The following CSNK1G3 variants were observed in gnomAD, a reference collection of about 807,000 sequenced individuals.
CSNK1G3 encodes casein kinase I isoform gamma-3.
In CSNK1G3, 23 loss-of-function variants were observed where a neutral mutation model predicts 64.3. The ratio of observed to expected loss-of-function variants is 0.36; its 90% CI spans 0.26 to 0.51. CSNK1G3 has a LOEUF of 0.51. Among genes scored for constraint, CSNK1G3 ranks in the 20% least tolerant of loss-of-function variants. The pLI, the probability that CSNK1G3 is intolerant of heterozygous loss-of-function variation, is 0.96. For missense variants in CSNK1G3, 357 were observed against 510.5 expected (o/e 0.70, Z 2.90); for synonymous variants, 158 against 162.2 (o/e 0.97, Z 0.20).
intron 12 of CSNK1G3, among the ~76,000 whole-genome samples, chr5:123,609,826 G>T (rs1318063130): frequency 6.6e-6 from 1 of 152,154 alleles, no homozygotes; most frequent in Non-Finnish European, 1.5e-5. Flanking sequence ...AATAGGTTGG[G>T]AACAAAATTC....
At position 123,597,974 on chromosome 5, in the gene CSNK1G3, G is replaced by A. The variant is rs118105138; in HGVS notation, c.1086+6560G>A. On this transcript the variant is annotated intron_variant, in intron 10 of 12. Coordinates refer to ENST00000345990, the Ensembl canonical transcript of CSNK1G3. ...GTATTTTCATTTTATTGATCTCTGGGAAGTGAAGTATTAGAGGTACAGTCA... is the reference window on the plus strand; with the variant it reads ...GTATTTTCATTTTATTGATCTCTGGAAAGTGAAGTATTAGAGGTACAGTCA... Among the ~76,000 whole-genome samples, 147 of 152,220 alleles carry A rather than the reference G, an allele frequency of 9.7e-4. 3 individuals carry two copies. In the East Asian group the frequency reaches 0.024, roughly 25 times the overall value.
At chr5:123,557,630 GA>G in intron 4 of CSNK1G3, 66 bp downstream of exon 4, 1 of 1,042,292 alleles carries the variant, frequency 9.6e-7, no homozygotes. Context: ...TAGTTTCAAG[GA>G]ATGGTATTTT....
chr5:123,556,358 C>T (rs1271202881), intron 3 of CSNK1G3, among the ~76,000 whole-genome samples: 2 of 152,032 alleles, frequency 1.3e-5, no homozygotes, highest in Non-Finnish European at 2.9e-5. Context: ...AATAATTTAT[C>T]CAGTTATTGC....
chr5:123,616,065 A>G (rs531583097), exon 13 of CSNK1G3: 1 of 152,326 alleles, frequency 6.6e-6, no homozygotes, highest in African/African-American at 2.4e-5. Flanking sequence ...CATTGTTGCT[A>G]TGAATCCTAT....
intron 10 of CSNK1G3, among the ~76,000 whole-genome samples, chr5:123,594,166 A>G (rs1226586570): frequency 6.6e-6 from 1 of 152,172 alleles, no homozygotes; most frequent in Non-Finnish European, 1.5e-5. Flanking sequence ...ATTCAGAACC[A>G]AACATGTAAT....
At chr5:123,594,894 A>C in intron 10 of CSNK1G3, 145 bp from the exon 11 acceptor site, 1 of 595,406 alleles carries the variant, frequency 1.7e-6, no homozygotes, top group Admixed American at 3.5e-5. Context: ...TTCTGTATAC[A>C]AAGATAACTG....
intron 12 of CSNK1G3, among the ~76,000 whole-genome samples, chr5:123,607,132 G>GA (rs972262743): frequency 5.9e-5 from 9 of 152,024 alleles, no homozygotes; most frequent in African/African-American, 2.2e-4. Flanking sequence ...ATTGCTATAG[G>GA]AAGGGTTCTC....
intron 2 of CSNK1G3, among the ~76,000 whole-genome samples, chr5:123,549,293 G>A (rs1267819696): frequency 6.6e-6 from 1 of 152,126 alleles, no homozygotes; most frequent in Non-Finnish European, 1.5e-5. Context: ...TATTATATAT[G>A]TATTTTTATT....
chr5:123,587,599 A>G (rs986126975), intron 6 of CSNK1G3, among the ~76,000 whole-genome samples: 1 of 152,344 alleles, frequency 6.6e-6, no homozygotes. Context: ...ATACTCCATA[A>G]TCGTGTTTAA....
intron 2 of CSNK1G3, among the ~76,000 whole-genome samples, chr5:123,548,696 A>G (rs1783055264): frequency 6.6e-6 from 1 of 151,810 alleles, no homozygotes; most frequent in Admixed American, 6.6e-5. Context: ...GCTTGATTCT[A>G]AGAGGTTGAG....
intron 1 of CSNK1G3, among the ~76,000 whole-genome samples, chr5:123,529,743 A>T (rs930556081): frequency 1.3e-5 from 2 of 152,100 alleles, no homozygotes; most frequent in African/African-American, 2.4e-5. Flanking sequence ...ATTTAGCATG[A>T]CCTCGTCTTG....
chr5:123,537,599 A>G (rs1781051066), intron 1 of CSNK1G3, among the ~76,000 whole-genome samples: 1 of 152,204 alleles, frequency 6.6e-6, no homozygotes, highest in Non-Finnish European at 1.5e-5. Context: ...GCTAAGTTTT[A>G]TAGTAATGGT....
chr5:123,560,875 A>G (rs1414121786), intron 4 of CSNK1G3, among the ~76,000 whole-genome samples: 1 of 152,100 alleles, frequency 6.6e-6, no homozygotes, highest in Admixed American at 6.6e-5. Context: ...TGATGAACAA[A>G]TTTTGGAGAT....
intron 1 of CSNK1G3, among the ~76,000 whole-genome samples, chr5:123,519,861 CTGAG>C (rs1358166831): frequency 2.6e-5 from 4 of 152,160 alleles, no homozygotes; most frequent in Non-Finnish European, 2.9e-5. Context: ...AGTGCTCTTT[CTGAG>C]TAAGAATTAG....
At chr5:123,570,607 C>T (rs1191836650) in intron 4 of CSNK1G3, among the ~76,000 whole-genome samples, 1 of 152,136 alleles carries the variant, frequency 6.6e-6, no homozygotes, top group Non-Finnish European at 1.5e-5. Flanking sequence ...CCACCGGCCT[C>T]AGCCTCCCAA....
Position 123,614,340 on chromosome 5 carries a change from A to T in CSNK1G3, c.1218-2A>T. ...TAAAAAGAGTGTTTCCCTCATCTGC[A>T]GGTGCTGCTGTTTTTTCAAACGAAG... On this transcript the variant is annotated splice_acceptor_variant, in intron 12 of 12. Transcript: ENST00000345990. LOFTEE classifies it high-confidence loss of function. 1 of 1,612,836 alleles carries T rather than the reference A, an allele frequency of 6.2e-7. No homozygotes were observed. The highest frequency in any genetic ancestry group is 8.5e-7 in the Non-Finnish European group (1 of 1,179,492).
At chr5:123,600,625 A>C (rs1043132169) in intron 10 of CSNK1G3, among the ~76,000 whole-genome samples, 8 of 139,504 alleles carry the variant, frequency 5.7e-5, no homozygotes, top group Non-Finnish European at 1.3e-4. Flanking sequence ...ATGCCATTTC[A>C]AAAAAAAAAA....
intron 4 of CSNK1G3, among the ~76,000 whole-genome samples, chr5:123,561,271 A>G (rs1230170274): frequency 1.3e-5 from 2 of 152,180 alleles, no homozygotes; most frequent in Non-Finnish European, 2.9e-5. Context: ...GTTGAGTCAA[A>G]TGAAGACCTG....
At chr5:123,559,960 T>C (rs924345152) in intron 4 of CSNK1G3, among the ~76,000 whole-genome samples, 32 of 152,154 alleles carry the variant, frequency 2.1e-4, no homozygotes, top group Non-Finnish European at 7.4e-5. Flanking sequence ...TGCTTGTTAA[T>C]ATTCTCTTTA....
Sources: gnomAD v4.1 joint callset for allele counts (sites outside exome capture counted in the v4.1 genomes callset) on GRCh38, gnomAD v4.1.1 for gene constraint, MANE v1.5 for transcripts, NCBI Gene and HGNC (gene_info 2026-07-23, HGNC 2026-07-21) for gene names.